Variants in CIT observed in about 807,000 individuals in gnomAD.
The protein encoded by CIT is citron Rho-interacting kinase.
A neutral mutation model predicts 272.7 loss-of-function variants in CIT; 79 were observed. That is an observed-to-expected ratio of 0.29 (90% CI 0.24 to 0.35). CIT has a LOEUF of 0.35. Among genes scored for constraint, CIT ranks in the 10% least tolerant of loss-of-function variants. The probability of loss-of-function intolerance (pLI) is 1.00; values close to 1 mark genes in which losing one functional copy is unlikely to be tolerated. For synonymous variants in CIT, 948 were observed against 995.6 expected (o/e 0.95, Z 0.90); for missense variants, 1,909 against 2,618.3 (o/e 0.73, Z 5.91).
chr12:119,741,722 G>A (rs1959067968), intron 24 of CIT, among the ~76,000 whole-genome samples: 1 of 151,968 alleles, frequency 6.6e-6, no homozygotes, highest in African/African-American at 2.4e-5. Context: ...AGAAAAGAGA[G>A]GGCACATGAA....
At chr12:119,755,047 T>A (rs1960760960) in intron 22 of CIT, among the ~76,000 whole-genome samples, 1 of 152,194 alleles carries the variant, frequency 6.6e-6, no homozygotes, top group Non-Finnish European at 1.5e-5. Flanking sequence ...ATAGCCTGGA[T>A]GATAAAAGTT....
intron 41 of CIT, among the ~76,000 whole-genome samples, chr12:119,702,471 A>C (rs943129472): frequency 6.6e-6 from 1 of 152,162 alleles, no homozygotes; most frequent in African/African-American, 2.4e-5. Flanking sequence ...GGATCACCTG[A>C]GGTCAGGAGT....
rs925033209 is a variant in CIT, at chr12:119,728,056, A to T, written c.3591+446T>A. Among the ~76,000 whole-genome samples the T allele has an allele frequency of 2.6e-5, 4 of 152,330 alleles. No individual in the cohort carries two copies. The highest frequency in any genetic ancestry group is 4.4e-5 in the Non-Finnish European group (3 of 68,030). ...TCCTGTGTGATTCCAGATATGCAAC[A>T]TTCTGGAAAAGGGAAAACTATGGAG... On this transcript the variant is annotated intron_variant, in intron 28 of 47. Coordinates refer to ENST00000392521, the MANE Select transcript of CIT (RefSeq NM_001206999.2). The surrounding 1 kb of genome is among the most constrained non-coding windows in gnomAD (Gnocchi z 4.3).
At chr12:119,827,039 T>G (rs1374392544) in intron 7 of CIT, among the ~76,000 whole-genome samples, 1 of 152,110 alleles carries the variant, frequency 6.6e-6, no homozygotes, top group Non-Finnish European at 1.5e-5. Flanking sequence ...ACCTCTTCCC[T>G]AGGGCCCACG....
chr12:119,829,405 A>AGAAGAGAAGAGAAGAGAAGG (rs1968450937), intron 7 of CIT, among the ~76,000 whole-genome samples: 2 of 147,794 alleles, frequency 1.4e-5, no homozygotes, highest in Non-Finnish European at 3.0e-5. Context: ...AGAAGAGAAG[A>AGAAGAGAAGAGAAGAGAAGG]GCTTACAAAT....
At position 119,770,628 on chromosome 12, in the gene CIT, C is replaced by G. The variant is rs558516622; in HGVS notation, c.2208+157G>C. Among the ~76,000 whole-genome samples the G allele has an allele frequency of 6.6e-6, 1 of 152,074 alleles. No homozygotes were observed. Among genetic ancestry groups the G allele is most frequent in the South Asian group, 2.1e-4 (1 of 4,820 alleles). Reference sequence around the variant, plus strand: ...AATGTCCGTTATTTGGTTATTCATACTACTCTACGATGTGGCATATGCTGA... The same window carrying G: ...AATGTCCGTTATTTGGTTATTCATAGTACTCTACGATGTGGCATATGCTGA... On this transcript the variant is annotated intron_variant, in intron 18 of 47. Transcript: ENST00000392521. This position sits in a 1 kb window ranked among gnomAD's most constrained non-coding sequence, Gnocchi z 4.4.
chr12:119,757,294 T>G, intron 22 of CIT, 77 bp downstream of exon 22: 1 of 1,552,256 alleles, frequency 6.4e-7, no homozygotes, highest in Admixed American at 1.7e-5. Flanking sequence ...TAGATATTGA[T>G]TTGTGCTCGA....
intron 41 of CIT, 82 bp from the exon 42 acceptor site, chr12:119,702,040 A>G: frequency 1.0e-6 from 1 of 989,354 alleles, no homozygotes; most frequent in Non-Finnish European, 1.6e-6. Flanking sequence ...TTCTGCCTAC[A>G]GCATCTAGCC....
chr12:119,704,815 G>C (rs1232948005), intron 40 of CIT, among the ~76,000 whole-genome samples: 2 of 152,204 alleles, frequency 1.3e-5, no homozygotes, highest in African/African-American at 4.8e-5. Flanking sequence ...CCTTCTGCTG[G>C]AGACAGAATC....
chr12:119,757,628 G>T, intron 21 of CIT, 83 bp from the exon 22 acceptor site: 7 of 1,536,040 alleles, frequency 4.6e-6, no homozygotes, highest in Non-Finnish European at 6.2e-6. Flanking sequence ...AGACGGACAC[G>T]GAGTTAGACA....
chr12:119,709,779 AGAGAGAGAGT>A (rs1422788093), intron 39 of CIT, among the ~76,000 whole-genome samples: 1 of 60,218 alleles, frequency 1.7e-5, no homozygotes, highest in Non-Finnish European at 3.4e-5. Flanking sequence ...AGAGAGAGAG[AGAGAGAGAGT>A]GTGTGTGTGT....
chr12:119,858,766 G>A (rs182720480), intron 3 of CIT, among the ~76,000 whole-genome samples: 150 of 150,598 alleles, frequency 1.0e-3, no homozygotes, highest in African/African-American at 3.4e-3. Context: ...AGCTTGCAGT[G>A]AGCCGAGATC....
chr12:119,820,800 G>A (rs186716345), intron 9 of CIT, among the ~76,000 whole-genome samples: 32 of 151,780 alleles, frequency 2.1e-4, no homozygotes, highest in Middle Eastern at 3.4e-3. Context: ...GTGAAACCGC[G>A]TCTCTACAAA....
At chr12:119,730,365 T>G in intron 27 of CIT, 130 bp downstream of exon 27, 14 of 1,076,618 alleles carry the variant, frequency 1.3e-5, no homozygotes, top group Non-Finnish European at 1.8e-5. Context: ...CATGGGACAT[T>G]TTTGGAGTGC....
In CIT at chr12:119,832,827, C is replaced by T; in HGVS notation, c.697G>A (p.Gly233Arg). Residue 233 changes from glycine (G) to arginine (R), a missense_variant, in exon 7 of 48, where the codon GGA becomes AGA. Physicochemically the swap from Gly to Arg is moderately radical, Grantham distance 125. This residue lies in a region of CIT where 529 missense variants were observed against 549.6 expected (regional missense o/e 0.96). Coordinates refer to ENST00000392521, the MANE Select transcript of CIT (RefSeq NM_001206999.2). ...KPENILVDRTGHIKLVDFGSA... is the reference protein window; with the variant it reads ...KPENILVDRTRHIKLVDFGSA... ...CCAAAATCCACCAGCTTGATGTGTCCTGTGCGGTCAACGAGAATGTTCTCA... is the reference window on the plus strand; with the variant it reads ...CCAAAATCCACCAGCTTGATGTGTCTTGTGCGGTCAACGAGAATGTTCTCA... 6.2e-7 allele frequency: 1 copy of T among 1,614,062 alleles called. No homozygotes were observed. Among genetic ancestry groups the T allele is most frequent in the Non-Finnish European group, 8.5e-7 (1 of 1,179,964 alleles).
chr12:119,831,670 C>T (rs532075284), intron 7 of CIT, among the ~76,000 whole-genome samples: 43 of 152,240 alleles, frequency 2.8e-4, no homozygotes, highest in Non-Finnish European at 5.0e-4. Flanking sequence ...GAGATCGAGA[C>T]CATCCTGGCT....
Position 119,784,868 on chromosome 12 carries a change from C to G in CIT, c.1401+92G>C, listed in dbSNP as rs1964629867. ...CTCACTCTCTACGGATCAGGCGGCT[C>G]AGAGCCAGCAGCGGCCCCGGGCGGA... On this transcript the variant is annotated intron_variant, in intron 11 of 47. Transcript: ENST00000392521. This position sits in a 1 kb window ranked among gnomAD's most constrained non-coding sequence, Gnocchi z 4.7. 3.3e-6 allele frequency: 5 copies of G among 1,528,836 alleles called. No individual in the cohort carries two copies. 94.7% of individuals were successfully genotyped at this position (1,528,836 alleles called of 1,614,324 possible).
chr12:119,844,116 G>A (rs776009820), intron 5 of CIT, among the ~76,000 whole-genome samples: 1 of 151,330 alleles, frequency 6.6e-6, no homozygotes, highest in Non-Finnish European at 1.5e-5. Context: ...CCACCTCCTG[G>A]GTTCAAGTGA....
At position 119,728,135 on chromosome 12, in the gene CIT, G is replaced by A. The variant is rs907484949; in HGVS notation, c.3591+367C>T. ...GTTGAGGGTGGGGAGGGATGAACAG[G>A]CAGAGTACAGAGGGTTTTTAGGGCA... On this transcript the variant is annotated intron_variant, in intron 28 of 47. Transcript: ENST00000392521. This position sits in a 1 kb window ranked among gnomAD's most constrained non-coding sequence, Gnocchi z 4.3. Among the ~76,000 whole-genome samples the A allele has an allele frequency of 6.6e-6, 1 of 152,150 alleles. No homozygotes were observed.
Sources: gnomAD v4.1 joint callset for allele counts (sites outside exome capture counted in the v4.1 genomes callset) on GRCh38, gnomAD v4.1.1 for gene constraint, gnomAD v4.1.1 regional missense constraint, Gnocchi (gnomAD v3.1) non-coding constraint, MANE v1.5 for transcripts, NCBI Gene and HGNC (gene_info 2026-07-23, HGNC 2026-07-21) for gene names.